Variants in LRRFIP2 observed in about 807,000 individuals in gnomAD.
The protein encoded by LRRFIP2 is LRR binding FLII interacting protein 2.
Under a neutral mutation model 125.9 loss-of-function variants are expected in LRRFIP2, and 109 were observed. The ratio of observed to expected loss-of-function variants is 0.87; its 90% CI spans 0.74 to 1.01. The LOEUF is 1.01. Ranked by LOEUF, LRRFIP2 falls within the 50% of genes least tolerant of loss-of-function variation. The pLI is 0.00. For synonymous variants in LRRFIP2, 291 were observed against 293.1 expected (o/e 0.99, Z 0.07); for missense variants, 850 against 862.3 (o/e 0.99, Z 0.18).
intron 1 of LRRFIP2, among the ~76,000 whole-genome samples, chr3:37,166,900 C>T (rs1365747154): frequency 1.3e-5 from 2 of 152,012 alleles, no homozygotes; most frequent in Non-Finnish European, 2.9e-5. Flanking sequence ...TGCCTGTAAT[C>T]CCAGCTACTT....
Position 37,166,538 on chromosome 3 carries a change from AAAG to A in LRRFIP2, c.-56+7998_-56+8000del, listed in dbSNP as rs553986205. Among the ~76,000 whole-genome samples the A allele has an allele frequency of 2.0e-5, 3 of 152,262 alleles. No individual in the cohort carries two copies. In the South Asian group the frequency reaches 6.2e-4, roughly 32 times the overall value. ...AAAAGACATAAGTAGACATTTCTTC[AAAG>A]AAGATACAAAAATGGTCACATGAAA... is the stretch of plus-strand genomic sequence containing the variant. On this transcript the variant is annotated intron_variant, in intron 1 of 27. Coordinates refer to ENST00000336686, the MANE Select transcript of LRRFIP2 (RefSeq NM_006309.4).
chr3:37,141,410 C>T (rs2095696471), intron 2 of LRRFIP2, among the ~76,000 whole-genome samples: 1 of 152,224 alleles, frequency 6.6e-6, no homozygotes, highest in South Asian at 2.1e-4. Context: ...GAACTACTTA[C>T]TATTCTGGCA....
chr3:37,143,593 G>T (rs775767973), intron 2 of LRRFIP2: 12 of 234,168 alleles, frequency 5.1e-5, no homozygotes, highest in African/African-American at 2.8e-4. Context: ...TCAGTGGATC[G>T]TCAAAATTCA....
chr3:37,106,605 C>T (rs1208115049), intron 13 of LRRFIP2, among the ~76,000 whole-genome samples: 1 of 152,136 alleles, frequency 6.6e-6, no homozygotes, highest in African/African-American at 2.4e-5. Context: ...CCCAAGAGTT[C>T]AAATCTAGCA....
At chr3:37,072,329 C>T (rs776466707) in intron 21 of LRRFIP2, among the ~76,000 whole-genome samples, 5 of 151,736 alleles carry the variant, frequency 3.3e-5, no homozygotes, top group South Asian at 2.1e-4. Context: ...GGTGAAACCC[C>T]GTCTCTAATA....
chr3:37,157,349 G>A (rs1253626101), intron 1 of LRRFIP2, among the ~76,000 whole-genome samples: 1 of 151,952 alleles, frequency 6.6e-6, no homozygotes, highest in African/African-American at 2.4e-5. Flanking sequence ...AGGCTGAGGT[G>A]GAAGGATTGC....
intron 19 of LRRFIP2, among the ~76,000 whole-genome samples, chr3:37,079,718 C>CA (rs142135124): frequency 0.011 from 1,659 of 151,818 alleles, 38 homozygotes; most frequent in African/African-American, 0.037. Context: ...GTAGCATACC[C>CA]AAAAAAATGG....
intron 6 of LRRFIP2, among the ~76,000 whole-genome samples, chr3:37,117,079 T>C (rs2094823899): frequency 6.6e-6 from 1 of 151,574 alleles, no homozygotes; most frequent in Non-Finnish European, 1.5e-5. Flanking sequence ...ATAAAGTTGC[T>C]TCTCTATAGA....
Position 37,149,032 on chromosome 3 carries a change from T to G in LRRFIP2, c.-49A>C, listed in dbSNP as rs1488015368. ...ACTTTGAAAGTGATTTAACTGTGTT[T>G]TCAGCCCTGAAGTAAACAAAAACAT... On this transcript the variant is annotated 5_prime_UTR_variant, in exon 2 of 28. Transcript: ENST00000336686. 1.2e-6 allele frequency: 2 copies of G among 1,609,532 alleles called. No homozygotes were observed. The highest frequency in any genetic ancestry group is 2.7e-5 in the African/African-American group (2 of 74,698).
At chr3:37,162,716 G>A (rs769495002) in intron 1 of LRRFIP2, among the ~76,000 whole-genome samples, 1 of 152,176 alleles carries the variant, frequency 6.6e-6, no homozygotes, top group African/African-American at 2.4e-5. Flanking sequence ...AAGAATGATA[G>A]GTGTATCTCA....
At chr3:37,165,382 G>A (rs187722139) in intron 1 of LRRFIP2, among the ~76,000 whole-genome samples, 343 of 7,930 alleles carry the variant, frequency 0.043, 1 homozygote, top group African/African-American at 0.13. Flanking sequence ...CCCCACCCCC[G>A]TCCATGGAAA....
chr3:37,128,955 T>C (rs2095356684), intron 3 of LRRFIP2, 108 bp downstream of exon 3: 8 of 971,390 alleles, frequency 8.2e-6, no homozygotes, highest in Middle Eastern at 2.1e-4. Context: ...CATCAGTTTA[T>C]ACTATTTTCA....
At chr3:37,079,424 CA>C (rs2092429128) in intron 19 of LRRFIP2, among the ~76,000 whole-genome samples, 1 of 152,102 alleles carries the variant, frequency 6.6e-6, no homozygotes, top group East Asian at 1.9e-4. Context: ...ATTCCACTCC[CA>C]AGTATATACT....
intron 1 of LRRFIP2, chr3:37,154,473 G>C (rs1300799006): frequency 1.3e-5 from 2 of 152,120 alleles, no homozygotes; most frequent in Non-Finnish European, 2.9e-5. Flanking sequence ...TGTTTCCTTG[G>C]TGGTATCAAA....
intron 13 of LRRFIP2, among the ~76,000 whole-genome samples, chr3:37,107,828 A>G (rs991069043): frequency 1.3e-5 from 2 of 152,216 alleles, no homozygotes; most frequent in Admixed American, 1.3e-4. Context: ...ATTAAATATA[A>G]AAACTTTAAA....
chr3:37,119,993 G>A (rs991569384), intron 6 of LRRFIP2, among the ~76,000 whole-genome samples: 1 of 151,074 alleles, frequency 6.6e-6, no homozygotes, highest in East Asian at 2.0e-4. Flanking sequence ...AAAAAACAAA[G>A]TACTATATCT....
At chr3:37,077,315 G>A (rs1413955617) in intron 19 of LRRFIP2, among the ~76,000 whole-genome samples, 1 of 152,120 alleles carries the variant, frequency 6.6e-6, no homozygotes, top group Non-Finnish European at 1.5e-5. Context: ...ATAAAGTGTG[G>A]TACATCCATA....
At chr3:37,115,861 A>C (rs182554792) in intron 6 of LRRFIP2, among the ~76,000 whole-genome samples, 182 of 152,354 alleles carry the variant, frequency 1.2e-3, no homozygotes, top group South Asian at 5.2e-3. Context: ...ACATAGATTT[A>C]TGGTTTTCAC....
At chr3:37,096,841 T>G (rs557646066) in intron 15 of LRRFIP2, among the ~76,000 whole-genome samples, 181 bp from the exon 16 acceptor site, 1 of 152,228 alleles carries the variant, frequency 6.6e-6, no homozygotes, top group African/African-American at 2.4e-5. Flanking sequence ...ACTTTAATTT[T>G]TATCCTAAGG....
Sources: gnomAD v4.1 joint callset for allele counts (sites outside exome capture counted in the v4.1 genomes callset) on GRCh38, gnomAD v4.1.1 for gene constraint, MANE v1.5 for transcripts, NCBI Gene and HGNC (gene_info 2026-07-23, HGNC 2026-07-21) for gene names.